Variants in NOXRED1 observed in about 807,000 individuals in gnomAD.
NOXRED1 encodes the protein NADP dependent oxidoreductase domain containing 1.
Under a neutral mutation model 30.4 loss-of-function variants are expected in NOXRED1, and 20 were observed. The ratio of observed to expected loss-of-function variants is 0.66; its 90% confidence interval spans 0.46 to 0.96. The LOEUF is 0.96. Among genes scored for constraint, NOXRED1 ranks in the 40% least tolerant of loss-of-function variants. The probability of loss-of-function intolerance (pLI) is 0.00; values close to 1 mark genes in which losing one functional copy is unlikely to be tolerated. For missense variants in NOXRED1, 374 were observed against 428.0 expected (o/e 0.87, Z 1.11); for synonymous variants, 155 against 168.0 (o/e 0.92, Z 0.60).
In NOXRED1 at chr14:77,406,091, C is replaced by T. The variant is rs1187277996; in HGVS notation, c.727G>A (p.Ala243Thr). The change falls in exon 5 of 6, where the codon GCG (alanine) becomes ACG (threonine). Residue 243 changes from alanine (A) to threonine (T), a missense_variant. Ala to Thr is a moderately conservative substitution (Grantham distance 58). Transcript: ENST00000380835. ...CTTGCTGTGCATATGTTTAGGGCCGCATAGAACACTCCCTCCAACCACTTG... is the reference window on the plus strand; with the variant it reads ...CTTGCTGTGCATATGTTTAGGGCCGTATAGAACACTCCCTCCAACCACTTG... ...NIKWLEGVFY[A>T]ALNICTARNM... 2 of 1,613,782 alleles carry T rather than the reference C, an allele frequency of 1.2e-6. No homozygotes were observed. The highest frequency in any genetic ancestry group is 1.7e-5 in the Admixed American group (1 of 59,992).
At chr14:77,425,231 A>C (rs1216489969), upstream of NOXRED1, among the ~76,000 whole-genome samples, 1 of 152,190 alleles carries the variant, frequency 6.6e-6, no homozygotes, top group Non-Finnish European at 1.5e-5. Context: ...GGACATGAAG[A>C]CAACTACGTT....
At position 77,394,124 on chromosome 14, in the gene NOXRED1, C is replaced by CTATAT. The variant is rs1466663721; in HGVS notation, c.*506_*507insATATA. 1.7e-4 allele frequency: 26 copies of CTATAT among 152,326 alleles called. No individual in the cohort carries two copies. The highest frequency in any genetic ancestry group is 5.8e-4 in the African/African-American group (24 of 41,548). 9.4% of individuals were successfully genotyped at this position (152,326 alleles called of 1,614,324 possible). A position where few individuals can be genotyped will look rare whatever the true frequency, so the allele number is the denominator to read the frequency against. The stretch of plus-strand genomic sequence containing the variant: ...AGCTGTAAATAAGATAGTACCAGAA[C>CTATAT]AGTCATATATAGTCAAAATAAGCAT... On this transcript the variant is annotated 3_prime_UTR_variant, in exon 6 of 6. Coordinates refer to ENST00000380835, the MANE Select transcript of NOXRED1 (RefSeq NM_001113475.3).
At chr14:77,423,846 C>A (rs28583775), upstream of NOXRED1, among the ~76,000 whole-genome samples, 3 of 151,966 alleles carry the variant, frequency 2.0e-5, no homozygotes, top group Non-Finnish European at 4.4e-5. Flanking sequence ...CAGGTGAAAT[C>A]CACATAACAT....
In NOXRED1 at chr14:77,422,836, C is replaced by T; in HGVS notation, c.54G>A (p.Glu18=). The part of the protein sequence containing the change: ...ESLQFEYGVP[E]EDRIWLYLQG... The stretch of plus-strand genomic sequence containing the variant: ...GCAAATACAGCCAGATACGATCTTC[C>T]TCTGGAACCCCATACTCAAACTGCA... The change falls in exon 1 of 6, where the codon GAG becomes GAA. Residue 18 remains glutamate (E), a synonymous_variant. Coordinates refer to ENST00000380835, the MANE Select transcript of NOXRED1 (RefSeq NM_001113475.3). The T allele has an allele frequency of 6.2e-7, 1 of 1,613,914 alleles. No homozygotes were observed. Among genetic ancestry groups the T allele is most frequent in the East Asian group, 2.2e-5 (1 of 44,878 alleles).
At chr14:77,424,385 C>A (rs1045982603), upstream of NOXRED1, among the ~76,000 whole-genome samples, 4 of 152,154 alleles carry the variant, frequency 2.6e-5, no homozygotes, top group East Asian at 7.7e-4. Flanking sequence ...ATTGCTTGAA[C>A]CTGGGAGATG....
chr14:77,405,435 G>A (rs890082211), intron 5 of NOXRED1, among the ~76,000 whole-genome samples: 1 of 152,204 alleles, frequency 6.6e-6, no homozygotes, highest in Non-Finnish European at 1.5e-5. Context: ...AAAGCAGCCC[G>A]TAATGCAAAA....
At chr14:77,395,308 G>A (rs935985634) in intron 5 of NOXRED1, among the ~76,000 whole-genome samples, 5 of 151,648 alleles carry the variant, frequency 3.3e-5, no homozygotes, top group African/African-American at 9.7e-5. Flanking sequence ...GGGTTTCACC[G>A]TGTTAGCCAG....
At chr14:77,425,866 TG>T (rs1292891986), upstream of NOXRED1, among the ~76,000 whole-genome samples, 2 of 152,252 alleles carry the variant, frequency 1.3e-5, no homozygotes, top group African/African-American at 4.8e-5. Flanking sequence ...CATGTGCCTC[TG>T]TAGGAGCATC....
chr14:77,416,465 T>G (rs572131977), intron 1 of NOXRED1, among the ~76,000 whole-genome samples: 60 of 152,222 alleles, frequency 3.9e-4, no homozygotes, highest in African/African-American at 1.3e-3. Flanking sequence ...CCGCCCTTAA[T>G]CCATTCAACC....
chr14:77,411,129 GA>G (rs1894637429), intron 2 of NOXRED1, among the ~76,000 whole-genome samples: 1 of 152,020 alleles, frequency 6.6e-6, no homozygotes, highest in African/African-American at 2.4e-5. Flanking sequence ...ATCATGCAGG[GA>G]AATACTACTC....
rs1894124052 is a variant in NOXRED1, at chr14:77,394,246, A to G, written c.*385T>C. ...AAACTGTATCTTTTTCCAGCTACCT[A>G]CTGCTGGCAAATGGATTGAAACTTG... is the stretch of plus-strand genomic sequence containing the variant. On this transcript the variant is annotated 3_prime_UTR_variant, in exon 6 of 6. Coordinates refer to ENST00000380835, the MANE Select transcript of NOXRED1 (RefSeq NM_001113475.3). 6.4e-6 allele frequency: 1 copy of G among 155,062 alleles called. No individual in the cohort carries two copies. Among genetic ancestry groups the G allele is most frequent in the East Asian group, 1.9e-4 (1 of 5,320 alleles). The allele number at this position is 155,062 out of a possible 1,614,324, so 9.6% of individuals were successfully genotyped here.
rs181655839 is a variant in NOXRED1 at position 77,401,327 on chromosome 14, G to A, written c.905+4586C>T. Among the ~76,000 whole-genome samples the A allele has an allele frequency of 2.4e-3, 367 of 152,004 alleles. 2 individuals are homozygous for A. Among genetic ancestry groups the A allele is most frequent in the Non-Finnish European group, 4.3e-3 (294 of 67,994 alleles). The stretch of plus-strand genomic sequence containing the variant: ...GCAGAGGTTGCAGTGAGCCAAGATG[G>A]CGCCACTGCACTCCAGCATGGGCAA... On this transcript the variant is annotated intron_variant, in intron 5 of 5. Coordinates refer to ENST00000380835, the MANE Select transcript of NOXRED1 (RefSeq NM_001113475.3).
At chr14:77,413,621 C>A (rs1388274016) in intron 2 of NOXRED1, among the ~76,000 whole-genome samples, 4 of 152,096 alleles carry the variant, frequency 2.6e-5, no homozygotes, top group Non-Finnish European at 5.9e-5. Flanking sequence ...TAACACCCAA[C>A]CAGACCCTAA....
intron 2 of NOXRED1, among the ~76,000 whole-genome samples, chr14:77,408,446 T>C (rs1238929261): frequency 6.6e-6 from 1 of 152,010 alleles, no homozygotes; most frequent in African/African-American, 2.4e-5. Flanking sequence ...TCCTCCCACC[T>C]CCGCCTCCCA....
chr14:77,413,544 A>G (rs188159726), intron 2 of NOXRED1, among the ~76,000 whole-genome samples: 17 of 152,128 alleles, frequency 1.1e-4, no homozygotes, highest in Admixed American at 1.0e-3. Flanking sequence ...ACCACAAAAC[A>G]TTTTTTTAAA....
At chr14:77,418,659 A>T (rs1894900773) in intron 1 of NOXRED1, among the ~76,000 whole-genome samples, 1 of 151,362 alleles carries the variant, frequency 6.6e-6, no homozygotes, top group African/African-American at 2.4e-5. Flanking sequence ...ACTACCACGT[A>T]CCTGAGACCA....
rs922105150 is a variant in NOXRED1 at position 77,406,098 on chromosome 14, C to T, written c.720G>A (p.Val240=). The part of the protein sequence containing the change: ...IILNIKWLEG[V]FYAALNICTA... ...TGCATATGTTTAGGGCCGCATAGAACACTCCCTCCAACCACTTGATATTGA... is the reference window on the plus strand; with the variant it reads ...TGCATATGTTTAGGGCCGCATAGAATACTCCCTCCAACCACTTGATATTGA... Residue 240 remains valine (V), a synonymous_variant, in exon 5 of 6, where the codon GTG becomes GTA. Transcript: ENST00000380835. 1 of 1,613,712 alleles carries T rather than the reference C, an allele frequency of 6.2e-7. No individual in the cohort carries two copies. Among genetic ancestry groups the T allele is most frequent in the African/African-American group, 1.3e-5 (1 of 75,038 alleles).
At chr14:77,396,570 C>T (rs1323341973) in intron 5 of NOXRED1, among the ~76,000 whole-genome samples, 1 of 152,018 alleles carries the variant, frequency 6.6e-6, no homozygotes, top group African/African-American at 2.4e-5. Flanking sequence ...TTTTTAAAAC[C>T]TCCTAGAACT....
chr14:77,422,684 C>A, intron 1 of NOXRED1, 51 bp downstream of exon 1: 4 of 1,565,044 alleles, frequency 2.6e-6, no homozygotes, highest in Non-Finnish European at 2.6e-6. Context: ...CATTTGAATT[C>A]TCAGCAGTGA....
Sources: gnomAD v4.1 joint callset for allele counts (sites outside exome capture counted in the v4.1 genomes callset) on GRCh38, gnomAD v4.1.1 for gene constraint, MANE v1.5 for transcripts, NCBI Gene and HGNC (gene_info 2026-07-23, HGNC 2026-07-21) for gene names.